The following AGO2 variants were observed in gnomAD, a reference collection of about 807,000 sequenced individuals.
The protein encoded by AGO2 is argonaute RISC catalytic component 2.
In AGO2, 5 loss-of-function variants were observed where a neutral mutation model predicts 102.3. The ratio of observed to expected loss-of-function variants is 0.05; its 90% confidence interval spans 0.03 to 0.10. The LOEUF (loss-of-function observed/expected upper bound fraction) is 0.10. AGO2 is among the 10% of genes least tolerant of loss of function. The probability of loss-of-function intolerance (pLI) is 1.00; values close to 1 mark genes in which losing one functional copy is unlikely to be tolerated. For missense variants in AGO2, 541 were observed against 1,183.7 expected (o/e 0.46, Z 7.97); for synonymous variants, 449 against 473.1 (o/e 0.95, Z 0.66).
In AGO2 at chr8:140,572,881, A is replaced by T; in HGVS notation, c.267T>A (p.Asp89Glu). The T allele has an allele frequency of 6.2e-7, 1 of 1,614,112 alleles. No homozygotes were observed. The highest frequency in any genetic ancestry group is 1.7e-5 in the Admixed American group (1 of 60,018). ...TCCTGCCGTCAAACACGGGCTTCCG[A>T]TCCCCAAAGATCTGTGTTTTAAAGT... ...VQHFKTQIFG[D>E]RKPVFDGRKN... Residue 89 changes from aspartate to glutamate, a missense_variant, in exon 3 of 19, where the codon GAT (aspartate) becomes GAA (glutamate). Transcript: ENST00000220592.
chr8:140,565,057 C>G (rs914476803), intron 3 of AGO2, among the ~76,000 whole-genome samples: 4 of 152,038 alleles, frequency 2.6e-5, no homozygotes, highest in African/African-American at 9.7e-5. Context: ...TCGCTTAAAC[C>G]TGGGAGGCAG....
intron 1 of AGO2, among the ~76,000 whole-genome samples, chr8:140,634,227 G>T (rs951708043): frequency 6.6e-5 from 10 of 152,396 alleles, no homozygotes; most frequent in Admixed American, 1.3e-4. Context: ...TCAGAAAAAA[G>T]ACGCGACATT....
rs2072396536 is a variant in AGO2 at position 140,520,411 on chromosome 8, T to G, written c.*11633A>C. 1 of 152,186 alleles carries G rather than the reference T, an allele frequency of 6.6e-6. No individual in the cohort carries two copies. The highest frequency in any genetic ancestry group is 1.5e-5 in the Non-Finnish European group (1 of 68,040). 9.4% of individuals were successfully genotyped at this position (152,186 alleles called of 1,614,324 possible). A position where few individuals can be genotyped will look rare whatever the true frequency, so the allele number is the denominator to read the frequency against. ...TTCCATGAATTTATTGCAAAAATAG[T>G]GCAAACTACTTCACCTAGTAAGCTG... On this transcript the variant is annotated 3_prime_UTR_variant, in exon 19 of 19. Transcript: ENST00000220592.
At chr8:140,558,774 G>A (rs994956333) in intron 6 of AGO2, among the ~76,000 whole-genome samples, 3 of 152,214 alleles carry the variant, frequency 2.0e-5, no homozygotes, top group African/African-American at 7.2e-5. Flanking sequence ...GTACCACGTG[G>A]TGGAGGGGAG....
At chr8:140,579,138 G>T (rs992807773) in intron 2 of AGO2, among the ~76,000 whole-genome samples, 1 of 151,966 alleles carries the variant, frequency 6.6e-6, no homozygotes, top group African/African-American at 2.4e-5. Flanking sequence ...TGGAAGGATT[G>T]CTTGACCTCG....
At chr8:140,570,892 C>G (rs1450170443) in intron 3 of AGO2, among the ~76,000 whole-genome samples, 4 of 152,160 alleles carry the variant, frequency 2.6e-5, no homozygotes, top group African/African-American at 9.7e-5. Flanking sequence ...ACGCCCTCAG[C>G]CCCTTTTCAG....
At chr8:140,615,633 A>T (rs2074132407) in intron 1 of AGO2, among the ~76,000 whole-genome samples, 1 of 152,266 alleles carries the variant, frequency 6.6e-6, no homozygotes, top group Non-Finnish European at 1.5e-5. Context: ...GCTTCTGTCC[A>T]CTACAGCCGA....
rs920738810 is a variant in AGO2, at chr8:140,530,313, G to T, written c.*1731C>A. On this transcript the variant is annotated 3_prime_UTR_variant, in exon 19 of 19. Coordinates refer to ENST00000220592, the MANE Select transcript of AGO2 (RefSeq NM_012154.5). Reference sequence around the variant, plus strand: ...AAAGCAGCTGAGCACAAAGGTGGGGGGGGGGGTGCCGCTGAGCAGGAGGCA... The same window carrying T: ...AAAGCAGCTGAGCACAAAGGTGGGGTGGGGGGTGCCGCTGAGCAGGAGGCA... 6 of 152,230 alleles carry T rather than the reference G, an allele frequency of 3.9e-5. No homozygotes were observed. The highest frequency in any genetic ancestry group is 4.1e-4 in the South Asian group (2 of 4,832). 9.4% of individuals were successfully genotyped at this position (152,230 alleles called of 1,614,324 possible).
chr8:140,620,324 G>C (rs2074203055), intron 1 of AGO2, among the ~76,000 whole-genome samples: 1 of 152,218 alleles, frequency 6.6e-6, no homozygotes, highest in Non-Finnish European at 1.5e-5. Flanking sequence ...GATCAGACGA[G>C]ATGATGGCAA....
At position 140,527,500 on chromosome 8, in the gene AGO2, A is replaced by G. The variant is rs1241147945; in HGVS notation, c.*4544T>C. 6.5e-6 allele frequency: 1 copy of G among 153,224 alleles called. No homozygotes were observed. The highest frequency in any genetic ancestry group is 1.5e-5 in the Non-Finnish European group (1 of 68,040). 9.5% of individuals were successfully genotyped at this position (153,224 alleles called of 1,614,324 possible). A position where few individuals can be genotyped will look rare whatever the true frequency, so the allele number is the denominator to read the frequency against. ...TGAGTCGAAGATTTTCCTCATAAAAAAGAGTCAGCGTGTGTGTGTGTAACA... is the reference window on the plus strand; with the variant it reads ...TGAGTCGAAGATTTTCCTCATAAAAGAGAGTCAGCGTGTGTGTGTGTAACA... On this transcript the variant is annotated 3_prime_UTR_variant, in exon 19 of 19. Transcript: ENST00000220592. This position sits in a 1 kb window ranked among gnomAD's most constrained non-coding sequence, Gnocchi z 6.0.
intron 1 of AGO2, among the ~76,000 whole-genome samples, chr8:140,607,495 T>C (rs919295596): frequency 7.0e-4 from 8 of 11,506 alleles, no homozygotes; most frequent in African/African-American, 2.0e-3. Flanking sequence ...TATATATATA[T>C]ATATATATAT....
chr8:140,598,362 C>G (rs1468571839), intron 1 of AGO2, among the ~76,000 whole-genome samples: 1 of 152,264 alleles, frequency 6.6e-6, no homozygotes, highest in Non-Finnish European at 1.5e-5. Context: ...TTGAGGAAAA[C>G]CAAATGCTGC....
rs553718057 is a variant in AGO2 at position 140,554,329 on chromosome 8, C to T, written c.1269+1567G>A. Reference sequence around the variant, plus strand: ...GGGGCTGAAGGGCCCTGCTCAGACTCCCTTCAGAGAGACAAGCAGTGGCCA... The same window carrying T: ...GGGGCTGAAGGGCCCTGCTCAGACTTCCTTCAGAGAGACAAGCAGTGGCCA... On this transcript the variant is annotated intron_variant, in intron 10 of 18. Transcript: ENST00000220592. 5.9e-5 allele frequency among the ~76,000 whole-genome samples: 9 copies of T among 152,298 alleles called. No homozygotes were observed. The South Asian group carries it at 1.9e-3, about 32-fold the overall frequency.
In AGO2 at chr8:140,586,240, C is replaced by G. The variant is rs374044105; in HGVS notation, c.23-929G>C. ...GGGTGCAGTGGCTCACACCTATAAT[C>G]CCAGCACTTTGGGAGGCTGAGGCGG... On this transcript the variant is annotated intron_variant, in intron 1 of 18. Transcript: ENST00000220592. Among the ~76,000 whole-genome samples, 20 of 152,360 alleles carry G rather than the reference C, an allele frequency of 1.3e-4. No homozygotes were observed. In the East Asian group the frequency reaches 3.5e-3, roughly 26 times the overall value.
In AGO2 at chr8:140,609,334, G is replaced by A. The variant is rs931938976; in HGVS notation, c.23-24023C>T. 5.3e-5 allele frequency among the ~76,000 whole-genome samples: 8 copies of A among 152,344 alleles called. No homozygotes were observed. The South Asian group carries it at 1.5e-3, about 28-fold the overall frequency. On this transcript the variant is annotated intron_variant, in intron 1 of 18. Transcript: ENST00000220592. ...CATCACACCCGGCAGAGCGGTGGGCGGGCAGTGGCCTGCCGGGTGGCCTGC... is the reference window on the plus strand; with the variant it reads ...CATCACACCCGGCAGAGCGGTGGGCAGGCAGTGGCCTGCCGGGTGGCCTGC...
chr8:140,615,205 C>T (rs9942737), intron 1 of AGO2, among the ~76,000 whole-genome samples: 3 of 152,280 alleles, frequency 2.0e-5, no homozygotes, highest in African/African-American at 4.8e-5. Context: ...GAGCCGAGAT[C>T]GTGCCACTCC....
In AGO2 at chr8:140,526,930, A is replaced by G. The variant is rs1394734549; in HGVS notation, c.*5114T>C. 5.3e-5 allele frequency: 8 copies of G among 152,212 alleles called. No individual in the cohort carries two copies. The highest frequency in any genetic ancestry group is 5.2e-4 in the Admixed American group (8 of 15,274). 9.4% of individuals were successfully genotyped at this position (152,212 alleles called of 1,614,324 possible). On this transcript the variant is annotated 3_prime_UTR_variant, in exon 19 of 19. Transcript: ENST00000220592. This position sits in a 1 kb window ranked among gnomAD's most constrained non-coding sequence, Gnocchi z 5.2. ...TACTCCAGCAAAATAACGGGCACAAATGACAGCTTTGACACGACAGTAACC... is the reference window on the plus strand; with the variant it reads ...TACTCCAGCAAAATAACGGGCACAAGTGACAGCTTTGACACGACAGTAACC...
At chr8:140,618,967 A>G (rs1338029744) in intron 1 of AGO2, among the ~76,000 whole-genome samples, 1 of 151,788 alleles carries the variant, frequency 6.6e-6, no homozygotes, top group East Asian at 1.9e-4. Flanking sequence ...TTTAAAAACT[A>G]GAATCAAAAA....
At chr8:140,625,644 G>A (rs2074266349) in intron 1 of AGO2, among the ~76,000 whole-genome samples, 1 of 152,164 alleles carries the variant, frequency 6.6e-6, no homozygotes, top group African/African-American at 2.4e-5. Context: ...CCTTTGCAAA[G>A]CTTCCCAGAG....
Sources: allele counts gnomAD v4.1 joint callset (sites outside exome capture counted in the v4.1 genomes callset), GRCh38; gene constraint gnomAD v4.1.1; non-coding constraint Gnocchi (gnomAD v3.1); transcripts MANE v1.5; gene names NCBI Gene and HGNC (gene_info 2026-07-23, HGNC 2026-07-21).